Variants in MPPE1 observed in about 807,000 individuals in gnomAD.
The protein encoded by MPPE1 is metallophosphoesterase 1, also known as metallo phosphoesterase.
A neutral mutation model predicts 43.8 loss-of-function variants in MPPE1; 28 were observed. The ratio of observed to expected loss-of-function variants is 0.64; its 90% CI spans 0.47 to 0.88. The LOEUF (loss-of-function observed/expected upper bound fraction) is 0.88. Among genes scored for constraint, MPPE1 ranks in the 40% least tolerant of loss-of-function variants. The pLI is 0.00. For missense variants in MPPE1, 428 were observed against 492.2 expected (o/e 0.87, Z 1.23); for synonymous variants, 159 against 188.5 (o/e 0.84, Z 1.28).
At chr18:11,893,368 TA>T in intron 4 of MPPE1, 99 bp downstream of exon 4, 1 of 789,436 alleles carries the variant, frequency 1.3e-6, no homozygotes, top group Non-Finnish European at 2.1e-6. Flanking sequence ...ACAACTTCCA[TA>T]AAATCTCCAG....
At chr18:11,890,158 G>A (rs1488354719) in intron 4 of MPPE1, among the ~76,000 whole-genome samples, 1 of 138,612 alleles carries the variant, frequency 7.2e-6, no homozygotes, top group Non-Finnish European at 1.6e-5. Flanking sequence ...TAGCCAGGAT[G>A]GTCGCGATCT....
Position 11,888,715 on chromosome 18 carries a change from C to CA in MPPE1, c.522dup (p.Glu175Ter). The CA allele has an allele frequency of 6.3e-7, 1 of 1,598,920 alleles. No individual in the cohort carries two copies. The highest frequency in any genetic ancestry group is 8.5e-7 in the Non-Finnish European group (1 of 1,175,084). On this transcript the variant is annotated frameshift_variant, in exon 6 of 11. Coordinates refer to ENST00000588072, the MANE Select transcript of MPPE1 (RefSeq NM_023075.6). LOFTEE classifies it high-confidence loss of function. ...AGTCTTTCAGAGCTGAACACTTTCT[C>CA]AAAGCGTTCTACTTTGTATGTGTTC...
At chr18:11,904,854 A>T (rs2039554168) in intron 2 of MPPE1, among the ~76,000 whole-genome samples, 1 of 152,090 alleles carries the variant, frequency 6.6e-6, no homozygotes, top group African/African-American at 2.4e-5. Flanking sequence ...GAGGCACAAG[A>T]ATCACTTGAA....
rs760682282 is a variant in MPPE1, at chr18:11,886,961, C to T, written c.634G>A (p.Ala212Thr). 7 of 1,613,910 alleles carry T rather than the reference C, an allele frequency of 4.3e-6. No individual in the cohort carries two copies. Among genetic ancestry groups the T allele is most frequent in the East Asian group, 4.5e-5 (2 of 44,866 alleles). Residue 212 changes from alanine to threonine, a missense_variant, in exon 7 of 11, where the codon GCA becomes ACA. This residue lies in a region of MPPE1 where 379 missense variants were observed against 402.5 expected (regional missense o/e 0.94). Coordinates refer to ENST00000588072, the MANE Select transcript of MPPE1 (RefSeq NM_023075.6). The surrounding 1 kb of genome is among the most constrained non-coding windows in gnomAD (Gnocchi z 4.1). ...DGCGICSETEAELIEVSHRLN... is the reference protein window; with the variant it reads ...DGCGICSETETELIEVSHRLN... The stretch of plus-strand genomic sequence containing the variant: ...CTGTGAGAAACTTCAATGAGCTCTG[C>T]TTCTGTTTCAGAGCAGATGCCACAG...
chr18:11,889,093 T>C (rs2037670063), intron 5 of MPPE1, among the ~76,000 whole-genome samples: 1 of 152,176 alleles, frequency 6.6e-6, no homozygotes, highest in Non-Finnish European at 1.5e-5. Flanking sequence ...GCTATTAAAG[T>C]CTAAATGATC....
chr18:11,900,731 C>A lies in MPPE1; in HGVS notation c.-92-3375G>T, dbSNP rs556622239. On this transcript the variant is annotated intron_variant, in intron 2 of 10. Transcript: ENST00000588072. ...GACCATCCTGGCTAACACGGTGAAACCCCATCTCTACTAAAAATACAAAAA... is the reference window on the plus strand; with the variant it reads ...GACCATCCTGGCTAACACGGTGAAAACCCATCTCTACTAAAAATACAAAAA... 1.6e-4 allele frequency among the ~76,000 whole-genome samples: 24 copies of A among 151,668 alleles called. 1 individual carries two copies. In the East Asian group the frequency reaches 4.3e-3, roughly 27 times the overall value.
chr18:11,884,562 C>G lies in MPPE1; in HGVS notation c.1074G>C (p.Leu358Phe), dbSNP rs373575076. Residue 358 changes from leucine (L) to phenylalanine (F), a missense_variant, in exon 11 of 11, where the codon TTG (leucine) becomes TTC (phenylalanine). Coordinates refer to ENST00000588072, the MANE Select transcript of MPPE1 (RefSeq NM_023075.6). Reference sequence around the variant, plus strand: ...AGCCCACCACTCCACAGTAGATGATCAAAACCACATCCTCACGTGGGAGGT... The same window carrying G: ...AGCCCACCACTCCACAGTAGATGATGAAAACCACATCCTCACGTGGGAGGT... ...KCYLPREDVV[L>F]IIYCGVVGFL... 4 of 1,613,906 alleles carry G rather than the reference C, an allele frequency of 2.5e-6. No homozygotes were observed. The highest frequency in any genetic ancestry group is 1.7e-5 in the Admixed American group (1 of 60,004).
chr18:11,885,594 A>T, intron 10 of MPPE1, 82 bp downstream of exon 10: 1 of 1,505,436 alleles, frequency 6.6e-7, no homozygotes, highest in Non-Finnish European at 9.1e-7. Context: ...ATTTTGACCG[A>T]TTGCAGCAAT....
At chr18:11,904,246 A>G (rs975412916) in intron 2 of MPPE1, among the ~76,000 whole-genome samples, 1 of 152,198 alleles carries the variant, frequency 6.6e-6, no homozygotes, top group Non-Finnish European at 1.5e-5. Flanking sequence ...GCACTGTTAC[A>G]TATTTTCCTG....
chr18:11,889,545 T>TA, intron 4 of MPPE1, 55 bp from the exon 5 acceptor site: 5 of 1,355,138 alleles, frequency 3.7e-6, no homozygotes, highest in Non-Finnish European at 4.1e-6. Flanking sequence ...GCCCTGTGGC[T>TA]AAAAAAACAG....
intron 1 of MPPE1, among the ~76,000 whole-genome samples, 151 bp from the exon 2 acceptor site, chr18:11,906,460 T>C (rs898239403): frequency 1.3e-5 from 2 of 152,200 alleles, no homozygotes; most frequent in African/African-American, 2.4e-5. Context: ...AATACCTATC[T>C]TGAATTACAA....
chr18:11,886,801 T>C lies in MPPE1; in HGVS notation c.679-23A>G, dbSNP rs1362026855. The C allele has an allele frequency of 1.2e-6, 2 of 1,609,722 alleles. No homozygotes were observed. Among genetic ancestry groups the C allele is most frequent in the South Asian group, 2.2e-5 (2 of 90,870 alleles). ...TGCCTGCTGGGTACAAGTCAGGCCA[T>C]TAATCCGCACACCTGACCCTCATCA... On this transcript the variant is annotated intron_variant, in intron 7 of 10. Coordinates refer to ENST00000588072, the MANE Select transcript of MPPE1 (RefSeq NM_023075.6). The surrounding 1 kb of genome is among the most constrained non-coding windows in gnomAD (Gnocchi z 4.1).
rs2037317626 is a variant in MPPE1, at chr18:11,886,707, G to GCT, written c.744+4_744+5dup. On this transcript the variant is annotated splice_donor_region_variant and intron_variant, in intron 8 of 10. Coordinates refer to ENST00000588072, the MANE Select transcript of MPPE1 (RefSeq NM_023075.6). This position sits in a 1 kb window ranked among gnomAD's most constrained non-coding sequence, Gnocchi z 4.1. ...CTGCCATGAGCCCTTTCCTCCCCCAGCTCACCTGCAGGAGGACAGGGGCAG... is the reference window on the plus strand; with the variant it reads ...CTGCCATGAGCCCTTTCCTCCCCCAGCTCTCACCTGCAGGAGGACAGGGGCAG... The GCT allele has an allele frequency of 1.9e-6, 3 of 1,613,634 alleles. No homozygotes were observed. Among genetic ancestry groups the GCT allele is most frequent in the Non-Finnish European group, 2.5e-6 (3 of 1,180,022 alleles).
chr18:11,893,576 C>T lies in MPPE1; in HGVS notation c.282G>A (p.Arg94=). Residue 94 remains arginine, a splice_region_variant and synonymous_variant, in exon 4 of 11, where the codon AGG becomes AGA. Coordinates refer to ENST00000588072, the MANE Select transcript of MPPE1 (RefSeq NM_023075.6). ...GGAACGCTCTCTCCATCTGCCATTC[C>T]CTTGATGCCAATAGGAAAAAGTAAG... is the stretch of plus-strand genomic sequence containing the variant. ...FLGHWLDKLR[R]EWQMERAFQT... The T allele has an allele frequency of 1.9e-6, 3 of 1,613,592 alleles. No homozygotes were observed. The highest frequency in any genetic ancestry group is 2.5e-6 in the Non-Finnish European group (3 of 1,179,510).
intron 2 of MPPE1, 190 bp downstream of exon 2, chr18:11,906,013 A>C (rs1333769810): frequency 6.6e-6 from 1 of 152,190 alleles, no homozygotes; most frequent in East Asian, 1.9e-4. Flanking sequence ...AAAATTTCTT[A>C]AAGTGTTACT....
chr18:11,903,439 G>C (rs1291149926), intron 2 of MPPE1, among the ~76,000 whole-genome samples: 1 of 152,182 alleles, frequency 6.6e-6, no homozygotes, highest in Admixed American at 6.5e-5. Flanking sequence ...CACCCTAAGG[G>C]ATGAATCATG....
At chr18:11,885,522 G>A in intron 10 of MPPE1, 154 bp downstream of exon 10, 1 of 863,742 alleles carries the variant, frequency 1.2e-6, no homozygotes, top group Non-Finnish European at 1.8e-6. Context: ...AAGGGTGTTT[G>A]GCAAGGGGCA....
chr18:11,889,636 C>T (rs1049041392), intron 4 of MPPE1, 146 bp from the exon 5 acceptor site: 1 of 535,200 alleles, frequency 1.9e-6, no homozygotes, highest in Non-Finnish European at 3.3e-6. Flanking sequence ...GATCTCTGCT[C>T]ACTGCAACCT....
intron 2 of MPPE1, chr18:11,905,324 CAAAAA>C (rs1045194680): frequency 6.7e-6 from 1 of 149,350 alleles, no homozygotes; most frequent in Non-Finnish European, 1.5e-5. Flanking sequence ...CAAAACAAAA[CAAAAA>C]AAAACAACAA....
Sources: allele counts gnomAD v4.1 joint callset (sites outside exome capture counted in the v4.1 genomes callset), GRCh38; gene constraint gnomAD v4.1.1; regional missense constraint gnomAD v4.1.1; non-coding constraint Gnocchi (gnomAD v3.1); transcripts MANE v1.5; gene names NCBI Gene and HGNC (gene_info 2026-07-23, HGNC 2026-07-21).